The following CCNY variants were observed in gnomAD, a reference collection of about 807,000 sequenced individuals.
The protein encoded by CCNY is cyclin Y, also known as cyclin-Y.
CCNY carries 19 observed loss-of-function variants against 42.8 expected under a neutral mutation model. The observed-to-expected ratio is 0.44, with a 90% CI of 0.31 to 0.65. CCNY has a LOEUF of 0.65. Ranked by LOEUF, CCNY falls within the 30% of genes least tolerant of loss-of-function variation. CCNY has a pLI of 0.07. For missense variants in CCNY, 370 were observed against 437.3 expected (o/e 0.85, Z 1.37); for synonymous variants, 165 against 162.7 (o/e 1.01, Z -0.11).
chr10:35,544,305 G>T (rs1841066792), intron 7 of CCNY, among the ~76,000 whole-genome samples: 1 of 152,054 alleles, frequency 6.6e-6, no homozygotes. Context: ...TATTTTTATG[G>T]TGCTTTTTCT....
At chr10:35,523,037 A>G (rs978456317) in intron 4 of CCNY, among the ~76,000 whole-genome samples, 2 of 152,130 alleles carry the variant, frequency 1.3e-5, no homozygotes, top group African/African-American at 4.8e-5. Flanking sequence ...TGACTTACAC[A>G]GGTTTGAGTC....
At chr10:35,358,471 A>G (rs1038342970) in intron 1 of CCNY, among the ~76,000 whole-genome samples, 1 of 152,226 alleles carries the variant, frequency 6.6e-6, no homozygotes, top group African/African-American at 2.4e-5. Context: ...TACTGCATAT[A>G]GGAACAAATG....
intron 1 of CCNY, among the ~76,000 whole-genome samples, chr10:35,464,512 T>G (rs1016698218): frequency 1.3e-5 from 2 of 152,144 alleles, no homozygotes; most frequent in African/African-American, 4.8e-5. Flanking sequence ...CTTCACCAAT[T>G]TTTTCTCACT....
intron 3 of CCNY, among the ~76,000 whole-genome samples, chr10:35,305,511 A>G (rs1471646265): frequency 2.6e-5 from 4 of 152,322 alleles, no homozygotes; most frequent in East Asian, 1.9e-4. Flanking sequence ...GTAACCTAGT[A>G]ATGTCACAGC....
intron 7 of CCNY, among the ~76,000 whole-genome samples, chr10:35,552,432 A>G (rs1841278578): frequency 6.6e-6 from 1 of 152,202 alleles, no homozygotes; most frequent in Non-Finnish European, 1.5e-5. Flanking sequence ...CTGGAGATAG[A>G]TGGTGGTGAT....
intron 3 of CCNY, among the ~76,000 whole-genome samples, chr10:35,312,747 C>CTTTTTTT (rs10688043): frequency 3.6e-5 from 4 of 112,158 alleles, no homozygotes; most frequent in East Asian, 2.8e-4. Context: ...TTCCTTTTTA[C>CTTTTTTT]TTTTTTTTTT....
At chr10:35,531,423 C>T (rs1458178015) in intron 7 of CCNY, among the ~76,000 whole-genome samples, 2 of 152,220 alleles carry the variant, frequency 1.3e-5, no homozygotes, top group Non-Finnish European at 2.9e-5. Flanking sequence ...CATTCCTTCT[C>T]ATTGAACTCA....
At chr10:35,478,066 G>C (rs1472807621) in intron 1 of CCNY, among the ~76,000 whole-genome samples, 2 of 148,874 alleles carry the variant, frequency 1.3e-5, no homozygotes, top group Non-Finnish European at 3.0e-5. Flanking sequence ...AAATACCTAG[G>C]AATCCAACTT....
chr10:35,388,001 T>A (rs373398929), intron 1 of CCNY, among the ~76,000 whole-genome samples: 4 of 152,324 alleles, frequency 2.6e-5, no homozygotes, highest in East Asian at 1.9e-4. Context: ...GAACAAATGC[T>A]GGGCCAGTGT....
intron 1 of CCNY, among the ~76,000 whole-genome samples, chr10:35,421,810 A>G (rs895004352): frequency 2.0e-5 from 3 of 152,148 alleles, no homozygotes; most frequent in Non-Finnish European, 4.4e-5. Context: ...GAATCTAGTC[A>G]TTCTGCTTTC....
intron 2 of CCNY, among the ~76,000 whole-genome samples, chr10:35,249,189 G>C (rs1411359976): frequency 6.6e-6 from 1 of 152,164 alleles, no homozygotes; most frequent in Non-Finnish European, 1.5e-5. Context: ...CAATCCACCT[G>C]TCTAGGCCTC....
At chr10:35,352,651 G>C (rs931991330) in intron 1 of CCNY, among the ~76,000 whole-genome samples, 4 of 152,204 alleles carry the variant, frequency 2.6e-5, no homozygotes, top group African/African-American at 9.7e-5. Flanking sequence ...ACGTTATTTG[G>C]ACCTTGCGCT....
chr10:35,477,014 T>C (rs1181900071), intron 1 of CCNY, among the ~76,000 whole-genome samples: 3 of 152,074 alleles, frequency 2.0e-5, no homozygotes, highest in African/African-American at 4.8e-5. Context: ...AACACCTCTA[T>C]GCAAATAAAC....
At chr10:35,552,680 T>C (rs1033974416) in intron 7 of CCNY, among the ~76,000 whole-genome samples, 46 of 152,332 alleles carry the variant, frequency 3.0e-4, no homozygotes, top group African/African-American at 1.1e-3. Flanking sequence ...AAAAGTGTAT[T>C]CTCTATACAT....
intron 3 of CCNY, among the ~76,000 whole-genome samples, chr10:35,302,761 A>G (rs1589025230): frequency 6.6e-6 from 1 of 152,372 alleles, no homozygotes; most frequent in East Asian, 1.9e-4. Context: ...TTTCTCAATT[A>G]GTAGCAAGAG....
At chr10:35,274,267 T>G (rs1835211585) in intron 3 of CCNY, among the ~76,000 whole-genome samples, 1 of 152,154 alleles carries the variant, frequency 6.6e-6, no homozygotes, top group South Asian at 2.1e-4. Flanking sequence ...TTCACTACCA[T>G]GAGAACTGTA....
At chr10:35,257,266 C>T (rs1765219004) in intron 3 of CCNY, among the ~76,000 whole-genome samples, 1 of 144,948 alleles carries the variant, frequency 6.9e-6, no homozygotes, top group Admixed American at 7.1e-5. Context: ...CTCTTTCTCC[C>T]TTTCTTTTTT....
At chr10:35,290,701 T>A (rs1169609938) in intron 3 of CCNY, among the ~76,000 whole-genome samples, 1 of 151,976 alleles carries the variant, frequency 6.6e-6, no homozygotes, top group African/African-American at 2.4e-5. Flanking sequence ...GTGGCTCACA[T>A]CTGTAATCCC....
intron 1 of CCNY, among the ~76,000 whole-genome samples, chr10:35,357,833 T>A (rs1418811268): frequency 6.6e-6 from 1 of 152,210 alleles, no homozygotes; most frequent in African/African-American, 2.4e-5. Context: ...TAGCAGGCAT[T>A]CTCTTGTAAG....
Sources: allele counts gnomAD v4.1 joint callset (sites outside exome capture counted in the v4.1 genomes callset), GRCh38; gene constraint gnomAD v4.1.1; transcripts MANE v1.5; gene names NCBI Gene and HGNC (gene_info 2026-07-23, HGNC 2026-07-21).